Variants in ROBO1 observed in about 807,000 individuals in gnomAD.
The protein encoded by ROBO1 is roundabout homolog 1.
ROBO1 carries 149 observed loss-of-function variants against 195.9 expected under a neutral mutation model. That is an observed-to-expected ratio of 0.76 (90% CI 0.67 to 0.87). The LOEUF is 0.87. Among genes scored for constraint, ROBO1 ranks in the 40% least tolerant of loss-of-function variants. ROBO1 has a pLI of 0.00. For missense variants in ROBO1, 1,933 were observed against 2,068.3 expected, an observed-to-expected ratio of 0.93 and a Z score of 1.27; for synonymous variants, 816 against 733.2, an observed-to-expected ratio of 1.11 and a Z score of -1.82.
intron 3 of ROBO1, among the ~76,000 whole-genome samples, chr3:78,946,197 G>A (rs1002069208): frequency 1.3e-5 from 2 of 151,920 alleles, no homozygotes; most frequent in African/African-American, 4.8e-5. Context: ...CCTCGAGAAG[G>A]GCAATTCCAA....
At chr3:79,290,067 C>A (rs1015709071) in intron 2 of ROBO1, among the ~76,000 whole-genome samples, 2 of 151,968 alleles carry the variant, frequency 1.3e-5, no homozygotes, top group East Asian at 3.9e-4. Flanking sequence ...GAGATGGAGT[C>A]TCACTCTGCC....
chr3:79,719,026 A>G (rs1702596799), intron 1 of ROBO1, among the ~76,000 whole-genome samples: 1 of 152,048 alleles, frequency 6.6e-6, no homozygotes, highest in African/African-American at 2.4e-5. Flanking sequence ...TGTCTTGCTG[A>G]GTGTGTGTGA....
At chr3:79,006,009 A>C (rs1189334406) in intron 3 of ROBO1, among the ~76,000 whole-genome samples, 3 of 152,182 alleles carry the variant, frequency 2.0e-5, no homozygotes, top group Admixed American at 2.0e-4. Flanking sequence ...TATTTTCTTA[A>C]CATGTAATTC....
chr3:79,673,675 A>C (rs2106919797), intron 1 of ROBO1, among the ~76,000 whole-genome samples: 1 of 152,018 alleles, frequency 6.6e-6, no homozygotes, highest in Non-Finnish European at 1.5e-5. Flanking sequence ...TTGAATAGCA[A>C]GAATAACTTT....
intron 10 of ROBO1, among the ~76,000 whole-genome samples, chr3:78,671,355 T>G (rs1708055517): frequency 6.6e-6 from 1 of 151,980 alleles, no homozygotes; most frequent in South Asian, 2.1e-4. Context: ...ATATTCAACT[T>G]GAAAATTCTG....
intron 2 of ROBO1, among the ~76,000 whole-genome samples, chr3:79,562,059 T>C (rs907618642): frequency 2.0e-5 from 3 of 152,194 alleles, no homozygotes; most frequent in African/African-American, 7.2e-5. Context: ...TTTATACATG[T>C]GGCCTTTGTG....
intron 4 of ROBO1, among the ~76,000 whole-genome samples, chr3:78,836,747 C>T (rs1440601931): frequency 6.6e-6 from 1 of 152,042 alleles, no homozygotes; most frequent in Non-Finnish European, 1.5e-5. Flanking sequence ...ATTTTCATTC[C>T]TACTTCCTTA....
intron 4 of ROBO1, among the ~76,000 whole-genome samples, chr3:78,815,485 A>G (rs560505215): frequency 3.3e-5 from 5 of 152,266 alleles, no homozygotes; most frequent in African/African-American, 1.2e-4. Context: ...TTAAGCCAAA[A>G]CCTAATCTAG....
chr3:79,709,594 C>T (rs1359873300), intron 1 of ROBO1, among the ~76,000 whole-genome samples: 1 of 152,044 alleles, frequency 6.6e-6, no homozygotes, highest in Non-Finnish European at 1.5e-5. Context: ...GAGATATAAA[C>T]TATCAATGGG....
chr3:78,668,185 G>A lies in ROBO1; in HGVS notation c.1748C>T (p.Pro583Leu). The change falls in exon 13 of 31, where the codon CCA becomes CTA. Residue 583 changes from proline to leucine, a missense_variant. By Grantham distance (98) the Pro-to-Leu change is moderately conservative. This residue lies in a region of ROBO1 where 1,737 missense variants were observed against 1,882.5 expected (regional missense o/e 0.92). Coordinates refer to ENST00000464233, the MANE Select transcript of ROBO1 (RefSeq NM_002941.4). ...TGGAGTTGCTCCTGAATTCAAATTTGGTTGCCACGATAATGTGACTGTATT... is the reference window on the plus strand; with the variant it reads ...TGGAGTTGCTCCTGAATTCAAATTTAGTTGCCACGATAATGTGACTGTATT... ...SRNTVTLSWQPNLNSGATPTS... is the reference protein window; with the variant it reads ...SRNTVTLSWQLNLNSGATPTS... 6.2e-7 allele frequency: 1 copy of A among 1,613,452 alleles called. No homozygotes were observed. The highest frequency in any genetic ancestry group is 8.5e-7 in the Non-Finnish European group (1 of 1,179,510).
At chr3:79,138,118 C>A (rs2080450142) in intron 2 of ROBO1, among the ~76,000 whole-genome samples, 1 of 152,002 alleles carries the variant, frequency 6.6e-6, no homozygotes. Flanking sequence ...AAACTACTGA[C>A]TGAAATCAAG....
chr3:78,816,877 G>T (rs1482328044), intron 4 of ROBO1, among the ~76,000 whole-genome samples: 1 of 152,098 alleles, frequency 6.6e-6, no homozygotes, highest in African/African-American at 2.4e-5. Flanking sequence ...TCCTAGTGAG[G>T]ATACTGTGAA....
At chr3:79,172,891 T>A (rs2081191945) in intron 2 of ROBO1, among the ~76,000 whole-genome samples, 1 of 152,216 alleles carries the variant, frequency 6.6e-6, no homozygotes, top group Non-Finnish European at 1.5e-5. Flanking sequence ...AAGTGCTAAC[T>A]CTTGATCCTC....
intron 2 of ROBO1, among the ~76,000 whole-genome samples, chr3:79,296,481 T>C (rs973282167): frequency 1.3e-5 from 2 of 152,120 alleles, no homozygotes; most frequent in African/African-American, 4.8e-5. Flanking sequence ...TATTTAAAAG[T>C]CCATTCACTG....
chr3:78,727,377 A>G (rs1480907683), intron 5 of ROBO1, among the ~76,000 whole-genome samples: 1 of 152,214 alleles, frequency 6.6e-6, no homozygotes, highest in African/African-American at 2.4e-5. Context: ...CTGTAATCCC[A>G]GCACTCTGGG....
At chr3:79,374,300 C>G (rs1050192848) in intron 2 of ROBO1, among the ~76,000 whole-genome samples, 23 of 151,906 alleles carry the variant, frequency 1.5e-4, no homozygotes, top group Non-Finnish European at 3.2e-4. Context: ...TTCACAGACA[C>G]CTGGATAGAA....
intron 4 of ROBO1, among the ~76,000 whole-genome samples, chr3:78,931,724 G>C (rs978024701): frequency 6.6e-6 from 1 of 152,066 alleles, no homozygotes; most frequent in East Asian, 1.9e-4. Context: ...ACAGCACTTC[G>C]GGAGGCCAAG....
chr3:79,339,234 T>C (rs2034808930), intron 2 of ROBO1, among the ~76,000 whole-genome samples: 1 of 152,190 alleles, frequency 6.6e-6, no homozygotes, highest in Non-Finnish European at 1.5e-5. Context: ...GCAGATCGAG[T>C]GAGCAGGTTT....
intron 3 of ROBO1, among the ~76,000 whole-genome samples, chr3:79,092,675 T>C (rs2079501053): frequency 6.6e-6 from 1 of 152,148 alleles, no homozygotes; most frequent in Admixed American, 6.6e-5. Context: ...GCAATAGCTA[T>C]ATGTCAAGGA....
Sources: allele counts gnomAD v4.1 joint callset (sites outside exome capture counted in the v4.1 genomes callset), GRCh38; gene constraint gnomAD v4.1.1; regional missense constraint gnomAD v4.1.1; transcripts MANE v1.5; gene names NCBI Gene and HGNC (gene_info 2026-07-23, HGNC 2026-07-21).